The following ALK variants were observed in gnomAD, a reference collection of about 807,000 sequenced individuals.
ALK encodes ALK receptor tyrosine kinase.
A neutral mutation model predicts 163.1 loss-of-function variants in ALK; 74 were observed. The ratio of observed to expected loss-of-function variants is 0.45; its 90% CI spans 0.38 to 0.55. ALK has a LOEUF of 0.55. Ranked by LOEUF, ALK falls within the 20% of genes least tolerant of loss-of-function variation. The probability of loss-of-function intolerance (pLI) is 0.00; values close to 1 mark genes in which losing one functional copy is unlikely to be tolerated. For missense variants in ALK, 2,063 were observed against 2,105.3 expected (o/e 0.98, Z 0.39); for synonymous variants, 960 against 843.2 (o/e 1.14, Z -2.40).
intron 1 of ALK, among the ~76,000 whole-genome samples, chr2:29,913,843 T>C (rs539916279): frequency 1.3e-3 from 203 of 152,088 alleles, no homozygotes; most frequent in Admixed American, 4.6e-3. Context: ...TTTCTCTCCA[T>C]ATTCTCCACT....
rs547414118 is a variant in ALK at position 29,546,930 on chromosome 2, TTAA to T, written c.953-14817_953-14815del. On this transcript the variant is annotated intron_variant, in intron 3 of 28. Coordinates refer to ENST00000389048, the MANE Select transcript of ALK (RefSeq NM_004304.5). ...AAGGAGCATGGAACGTGGGTGGATG[TTAA>T]TAACCAAGCCATGCAGCTGAGAAGC... Among the ~76,000 whole-genome samples, 19 of 152,292 alleles carry T rather than the reference TTAA, an allele frequency of 1.2e-4. No homozygotes were observed. The East Asian group carries it at 3.5e-3, about 28-fold the overall frequency.
At chr2:29,359,569 T>G (rs1026996581) in intron 5 of ALK, among the ~76,000 whole-genome samples, 3 of 152,332 alleles carry the variant, frequency 2.0e-5, no homozygotes, top group African/African-American at 7.2e-5. Flanking sequence ...TTTGAAAATC[T>G]CTCACATAAT....
chr2:29,758,005 C>CT (rs1213067837), intron 1 of ALK, among the ~76,000 whole-genome samples: 1,615 of 104,924 alleles, frequency 0.015, 37 homozygotes, highest in African/African-American at 0.021. Context: ...CCCGCATCCT[C>CT]TTTTTTTTTT....
chr2:29,845,592 G>C (rs190405906), intron 1 of ALK, among the ~76,000 whole-genome samples: 1 of 152,108 alleles, frequency 6.6e-6, no homozygotes, highest in Admixed American at 6.5e-5. Flanking sequence ...GTGCCATCAT[G>C]ACCGGCCAAT....
At chr2:29,513,003 T>C (rs959718388) in intron 4 of ALK, among the ~76,000 whole-genome samples, 27 of 151,426 alleles carry the variant, frequency 1.8e-4, no homozygotes, top group East Asian at 1.9e-4. Flanking sequence ...TAAAAGAGGA[T>C]GCAAACAAAT....
At chr2:29,427,696 C>T (rs1670179139) in intron 4 of ALK, among the ~76,000 whole-genome samples, 1 of 151,866 alleles carries the variant, frequency 6.6e-6, no homozygotes, top group African/African-American at 2.4e-5. Context: ...GATAAAAATC[C>T]ATGCATGTCA....
At chr2:29,352,730 T>TA (rs1456032256) in intron 5 of ALK, among the ~76,000 whole-genome samples, 7 of 152,272 alleles carry the variant, frequency 4.6e-5, no homozygotes, top group Non-Finnish European at 7.3e-5. Flanking sequence ...GGCCACAAGA[T>TA]AGAGGCTGTG....
chr2:29,741,323 G>A (rs1254705742), intron 1 of ALK, among the ~76,000 whole-genome samples: 1 of 152,142 alleles, frequency 6.6e-6, no homozygotes, highest in East Asian at 1.9e-4. Flanking sequence ...GACTTTGGGT[G>A]ATAATGCTGT....
At chr2:29,496,218 C>T (rs2148128305) in intron 4 of ALK, among the ~76,000 whole-genome samples, 1 of 152,334 alleles carries the variant, frequency 6.6e-6, no homozygotes, top group South Asian at 2.1e-4. Flanking sequence ...ATAGCATATG[C>T]TTATAAACAG....
intron 1 of ALK, among the ~76,000 whole-genome samples, chr2:29,916,201 G>T (rs565928937): frequency 1.6e-4 from 24 of 152,304 alleles, no homozygotes; most frequent in African/African-American, 5.8e-4. Flanking sequence ...CATAGTCAGA[G>T]GAATATCAAT....
In ALK at chr2:29,921,053, G is replaced by T. The variant is rs1667988607; in HGVS notation, c.-394C>A. 1 of 269,992 alleles carries T rather than the reference G, an allele frequency of 3.7e-6. No individual in the cohort carries two copies. Among genetic ancestry groups the T allele is most frequent in the Non-Finnish European group, 7.0e-6 (1 of 142,222 alleles). 16.7% of individuals were successfully genotyped at this position (269,992 alleles called of 1,614,324 possible). On this transcript the variant is annotated 5_prime_UTR_variant, in exon 1 of 29. Transcript: ENST00000389048. The stretch of plus-strand genomic sequence containing the variant: ...CTCCTGCCCCCCGCAGTCGGAGCTG[G>T]GGTCTGTCCCCTCTCGGGGCAGCCT...
At chr2:29,524,914 G>A (rs979492817) in intron 4 of ALK, among the ~76,000 whole-genome samples, 1 of 151,932 alleles carries the variant, frequency 6.6e-6, no homozygotes, top group Admixed American at 6.6e-5. Context: ...TGGATAGGTG[G>A]GTAGATGGGA....
At chr2:29,271,947 G>A (rs545560783) in intron 11 of ALK, among the ~76,000 whole-genome samples, 4 of 152,260 alleles carry the variant, frequency 2.6e-5, no homozygotes, top group Admixed American at 2.0e-4. Flanking sequence ...CCTTAGACTC[G>A]CCCTGCACAG....
intron 4 of ALK, among the ~76,000 whole-genome samples, chr2:29,403,854 G>C (rs573517862): frequency 1.2e-4 from 19 of 152,130 alleles, no homozygotes; most frequent in African/African-American, 4.3e-4. Flanking sequence ...TGAGGCTGCA[G>C]TGAGCAATGA....
chr2:29,462,699 G>C (rs1671115679), intron 4 of ALK, among the ~76,000 whole-genome samples: 1 of 152,090 alleles, frequency 6.6e-6, no homozygotes, highest in Admixed American at 6.6e-5. Flanking sequence ...TGGTGGTCTG[G>C]AATATCTTAA....
intron 3 of ALK, among the ~76,000 whole-genome samples, chr2:29,691,322 G>A (rs745623807): frequency 6.6e-6 from 1 of 152,168 alleles, no homozygotes; most frequent in Non-Finnish European, 1.5e-5. Context: ...AGACAAATTA[G>A]CAGAAGTTTC....
intron 1 of ALK, among the ~76,000 whole-genome samples, chr2:29,785,950 CACACACACAT>C (rs764807143): frequency 0.071 from 6,071 of 85,850 alleles, 291 homozygotes; most frequent in African/African-American, 0.15. Context: ...CACACACACA[CACACACACAT>C]TACCCTCTCT....
chr2:29,224,762 C>G (rs1409664872), intron 19 of ALK: 1 of 217,064 alleles, frequency 4.6e-6, no homozygotes, highest in Non-Finnish European at 9.3e-6. Flanking sequence ...TATCCTGTCC[C>G]TTTGAGGGAT....
At chr2:29,706,902 G>C (rs1269227571) in intron 2 of ALK, among the ~76,000 whole-genome samples, 1 of 151,816 alleles carries the variant, frequency 6.6e-6, no homozygotes, top group Non-Finnish European at 1.5e-5. Flanking sequence ...CAGTAAGAGA[G>C]TTGAGACCAG....
Sources: gnomAD v4.1 joint callset for allele counts (sites outside exome capture counted in the v4.1 genomes callset) on GRCh38, gnomAD v4.1.1 for gene constraint, MANE v1.5 for transcripts, NCBI Gene and HGNC (gene_info 2026-07-23, HGNC 2026-07-21) for gene names.